The following CD36 variants were observed in gnomAD, a reference collection of about 807,000 sequenced individuals.
The protein encoded by CD36 is CD36 molecule (CD36 blood group), also known as platelet glycoprotein 4.
In CD36, 119 loss-of-function variants were observed where a neutral mutation model predicts 55.2. The ratio of observed to expected loss-of-function variants is 2.15; its 90% CI spans 1.86 to 2.51. The LOEUF (loss-of-function observed/expected upper bound fraction) is 2.51. CD36 is among the 30% of genes most tolerant of loss of function. The probability of loss-of-function intolerance (pLI) is 0.00; values close to 1 mark genes in which losing one functional copy is unlikely to be tolerated. For synonymous variants in CD36, 186 were observed against 193.6 expected (o/e 0.96, Z 0.33); for missense variants, 819 against 555.5 (o/e 1.47, Z -4.77).
At position 80,646,770 on chromosome 7, in the gene CD36, C is replaced by T. The variant is rs375008822; in HGVS notation, c.30C>T (p.Ile10=). 5.3e-5 allele frequency: 85 copies of T among 1,613,856 alleles called. No homozygotes were observed. Among genetic ancestry groups the T allele is most frequent in the Non-Finnish European group, 6.6e-5 (78 of 1,179,942 alleles). MGCDRNCGL[I]AGAVIGAVLA... ...GCTGTGACCGGAACTGTGGGCTCAT[C>T]GCTGGGGCTGTCATTGGTGCTGTCC... The change falls in exon 3 of 15, where the codon ATC becomes ATT. Residue 10 remains isoleucine (I), a synonymous_variant. Transcript: ENST00000447544.
At chr7:80,625,109 T>G (rs919942198) in intron 1 of CD36, 1 of 152,160 alleles carries the variant, frequency 6.6e-6, no homozygotes, top group Non-Finnish European at 1.5e-5. Context: ...ATAGGATATA[T>G]GAAGTAGTGT....
upstream of CD36, among the ~76,000 whole-genome samples, chr7:80,634,024 T>A (rs1794239626): frequency 6.6e-6 from 1 of 152,140 alleles, no homozygotes; most frequent in Admixed American, 6.6e-5. Flanking sequence ...GAGAAAAATA[T>A]GTAAAATTAG....
In CD36 at chr7:80,663,743, C is replaced by T. The variant is rs562394115; in HGVS notation, c.609+574C>T. Reference sequence around the variant, plus strand: ...TGAACTTGATGGTGTACTTGATTACCGCTTAATGTTTTGAATTACAAATAG... The same window carrying T: ...TGAACTTGATGGTGTACTTGATTACTGCTTAATGTTTTGAATTACAAATAG... On this transcript the variant is annotated intron_variant, in intron 6 of 14. Coordinates refer to ENST00000447544, the MANE Select transcript of CD36 (RefSeq NM_001001548.3). Among the ~76,000 whole-genome samples, 7 of 151,998 alleles carry T rather than the reference C, an allele frequency of 4.6e-5. No homozygotes were observed. The South Asian group carries it at 6.2e-4, about 13-fold the overall frequency.
intron 1 of CD36, among the ~76,000 whole-genome samples, chr7:80,606,119 A>C (rs1480496065): frequency 6.6e-6 from 1 of 151,244 alleles, no homozygotes; most frequent in Non-Finnish European, 1.5e-5. Flanking sequence ...CCTAAATCAA[A>C]ATATTCATCT....
chr7:80,606,721 G>A (rs931011808), intron 1 of CD36, among the ~76,000 whole-genome samples: 9 of 152,128 alleles, frequency 5.9e-5, no homozygotes, highest in African/African-American at 2.2e-4. Context: ...CTCCAGGAAA[G>A]GGTTGTGATT....
At chr7:80,619,653 G>GGA (rs1554332907) in intron 1 of CD36, among the ~76,000 whole-genome samples, 4 of 125,998 alleles carry the variant, frequency 3.2e-5, no homozygotes, top group African/African-American at 1.2e-4. Context: ...TCTCAAAACA[G>GGA]AAAAAAAAAA....
chr7:80,609,179 T>TA (rs1381914974), intron 1 of CD36, among the ~76,000 whole-genome samples: 1 of 152,220 alleles, frequency 6.6e-6, no homozygotes, highest in Non-Finnish European at 1.5e-5. Flanking sequence ...TGTGTTACAT[T>TA]AGGGCTTCAC....
intron 1 of CD36, among the ~76,000 whole-genome samples, chr7:80,620,279 A>AGTCCCCAAGATT (rs1443555216): frequency 1.3e-5 from 2 of 152,128 alleles, no homozygotes; most frequent in Non-Finnish European, 2.9e-5. Context: ...TTGCGAGCTT[A>AGTCCCCAAGATT]GTCCCCAAGA....
In CD36 at chr7:80,671,978, G is replaced by C. The variant is rs151044699; in HGVS notation, c.1063G>C (p.Glu355Gln). 1 of 1,610,256 alleles carries C rather than the reference G, an allele frequency of 6.2e-7. No homozygotes were observed. Among genetic ancestry groups the C allele is most frequent in the Non-Finnish European group, 8.5e-7 (1 of 1,177,112 alleles). ...HFLYASPDVS[E>Q]PIDGLNPNEE... The stretch of plus-strand genomic sequence containing the variant: ...TCTGTATGCAAGTCCTGATGTTTCA[G>C]AACCTATTGATGGATTAAACCCAAA... The change falls in exon 11 of 15, where the codon GAA becomes CAA. Residue 355 changes from glutamate to glutamine, a missense_variant. Glu to Gln is a conservative substitution (Grantham distance 29, BLOSUM62 2). Transcript: ENST00000447544.
rs753726819 is a variant in CD36 at position 80,669,943 on chromosome 7, T to G, written c.749-10T>G. On this transcript the variant is annotated splice_polypyrimidine_tract_variant and intron_variant, in intron 8 of 14. Transcript: ENST00000447544. Reference sequence around the variant, plus strand: ...TACATCTAATCATTTGCCACTCGATTTTTAAACAGATGCAGCCTCATTTCC... The same window carrying G: ...TACATCTAATCATTTGCCACTCGATGTTTAAACAGATGCAGCCTCATTTCC... 3 of 1,606,136 alleles carry G rather than the reference T, an allele frequency of 1.9e-6. No homozygotes were observed. The highest frequency in any genetic ancestry group is 2.2e-5 in the South Asian group (2 of 90,908).
chr7:80,667,763 T>TTTTTTTG (rs1797260713), intron 8 of CD36, among the ~76,000 whole-genome samples: 1 of 144,782 alleles, frequency 6.9e-6, no homozygotes, highest in Non-Finnish European at 1.5e-5. Flanking sequence ...TTTTTTTTTT[T>TTTTTTTG]TTTTTGAGAC....
Position 80,652,472 on chromosome 7 carries a change from T to A in CD36, c.121-4068T>A, listed in dbSNP as rs1313899200. ...CATTTTCAGATTCTCTGCATAACTG[T>A]CACTACAATTCTAATTCATTCTCAA... On this transcript the variant is annotated intron_variant, in intron 3 of 14. Coordinates refer to ENST00000447544, the MANE Select transcript of CD36 (RefSeq NM_001001548.3). 4.6e-5 allele frequency among the ~76,000 whole-genome samples: 7 copies of A among 152,330 alleles called. No homozygotes were observed. In the East Asian group the frequency reaches 1.4e-3, roughly 29 times the overall value.
At chr7:80,620,812 A>G (rs1473288234) in intron 1 of CD36, among the ~76,000 whole-genome samples, 1 of 152,244 alleles carries the variant, frequency 6.6e-6, no homozygotes, top group African/African-American at 2.4e-5. Flanking sequence ...AATAAGAACC[A>G]GAAAAGGTGG....
Position 80,671,161 on chromosome 7 carries a change from G to T in CD36, c.1003G>T (p.Glu335Ter). ...TGTGCTAGACATCAGCAAATGCAAAGAAGGTGAGTAAATAACCTCAGTAGC... is the reference window on the plus strand; with the variant it reads ...TGTGCTAGACATCAGCAAATGCAAATAAGGTGAGTAAATAACCTCAGTAGC... ...YGVLDISKCKEGRPVYISLPH... is the reference protein window; with the variant it reads ...YGVLDISKCK Residue 335 changes from glutamate to a stop codon, truncating the protein, a stop_gained, in exon 10 of 15, where the codon GAA becomes TAA. Coordinates refer to ENST00000447544, the MANE Select transcript of CD36 (RefSeq NM_001001548.3). LOFTEE classifies it high-confidence loss of function. 2 of 1,602,182 alleles carry T rather than the reference G, an allele frequency of 1.2e-6. No individual in the cohort carries two copies. The highest frequency in any genetic ancestry group is 1.7e-6 in the Non-Finnish European group (2 of 1,170,548).
intron 1 of CD36, among the ~76,000 whole-genome samples, chr7:80,612,169 CT>C (rs1792910110): frequency 6.6e-6 from 1 of 152,172 alleles, no homozygotes; most frequent in South Asian, 2.1e-4. Context: ...CCAATTTCCA[CT>C]ACTTTGATGA....
chr7:80,608,471 AG>A (rs1436389761), intron 1 of CD36, among the ~76,000 whole-genome samples: 3 of 152,276 alleles, frequency 2.0e-5, no homozygotes, highest in African/African-American at 7.2e-5. Context: ...CCTACCTCAT[AG>A]GGTAACTGTT....
In CD36 at chr7:80,678,538, T is replaced by G. The variant is rs1313998093; in HGVS notation, c.*2155T>G. On this transcript the variant is annotated 3_prime_UTR_variant, in exon 15 of 15. Transcript: ENST00000447544. ...AAGAAAAAAAATAGCTATCACGCAATGGTTATCTCTGAAAATATTTGTATT... is the reference window on the plus strand; with the variant it reads ...AAGAAAAAAAATAGCTATCACGCAAGGGTTATCTCTGAAAATATTTGTATT... 1.3e-5 allele frequency: 2 copies of G among 152,084 alleles called. No individual in the cohort carries two copies. The highest frequency in any genetic ancestry group is 4.8e-5 in the African/African-American group (2 of 41,416). The allele number at this position is 152,084 out of a possible 1,614,324, so 9.4% of individuals were successfully genotyped here.
chr7:80,646,678 A>G lies in CD36; in HGVS notation c.-63A>G. 6.2e-7 allele frequency: 1 copy of G among 1,604,294 alleles called. No individual in the cohort carries two copies. Among genetic ancestry groups the G allele is most frequent in the Non-Finnish European group, 8.5e-7 (1 of 1,171,594 alleles). ...ACCAGAGCTTGTAGAAACCACTTTA[A>G]TCATATCCAGGAGTTTGCAAGAAAC... is the stretch of plus-strand genomic sequence containing the variant. On this transcript the variant is annotated 5_prime_UTR_variant, in exon 3 of 15. Coordinates refer to ENST00000447544, the MANE Select transcript of CD36 (RefSeq NM_001001548.3).
chr7:80,665,243 A>C lies in CD36; in HGVS notation c.701+746A>C, dbSNP rs182905386. Among the ~76,000 whole-genome samples, 193 of 151,994 alleles carry C rather than the reference A, an allele frequency of 1.3e-3. 2 individuals carry two copies. Among genetic ancestry groups the C allele is most frequent in the Admixed American group, 0.011 (163 of 15,238 alleles). On this transcript the variant is annotated intron_variant, in intron 7 of 14. Coordinates refer to ENST00000447544, the MANE Select transcript of CD36 (RefSeq NM_001001548.3). ...CAGCCTATTCACCTAAAGAATTTAT[A>C]ATTTATCATATATGTAAACTAGGAA...
Sources: gnomAD v4.1 joint callset for allele counts (sites outside exome capture counted in the v4.1 genomes callset) on GRCh38, gnomAD v4.1.1 for gene constraint, MANE v1.5 for transcripts, NCBI Gene and HGNC (gene_info 2026-07-23, HGNC 2026-07-21) for gene names.